The following NEMF variants were observed in gnomAD, a reference collection of about 807,000 sequenced individuals.
NEMF encodes ribosome quality control complex subunit NEMF.
A neutral mutation model predicts 162.2 loss-of-function variants in NEMF; 89 were observed. That is an observed-to-expected ratio of 0.55 (90% confidence interval 0.46 to 0.65). NEMF has a LOEUF of 0.65. Among genes scored for constraint, NEMF ranks in the 30% least tolerant of loss-of-function variants. NEMF has a pLI of 0.00. For synonymous variants in NEMF, 421 were observed against 404.5 expected, an observed-to-expected ratio of 1.04 and a Z score of -0.49; for missense variants, 1,133 against 1,261.9, an observed-to-expected ratio of 0.90 and a Z score of 1.55.
At chr14:49,793,757 A>G (rs987067126) in intron 26 of NEMF, among the ~76,000 whole-genome samples, 2 of 152,148 alleles carry the variant, frequency 1.3e-5, no homozygotes, top group Non-Finnish European at 2.9e-5. Context: ...ATAAATTCCT[A>G]TAAGAGGAAT....
intron 23 of NEMF, 37 bp downstream of exon 23, chr14:49,800,383 T>C: frequency 6.9e-7 from 1 of 1,458,776 alleles, no homozygotes; most frequent in Non-Finnish European, 9.3e-7. Flanking sequence ...CATTCTCAGC[T>C]TACACAATAA....
At chr14:49,804,483 C>T (rs1891095663) in intron 19 of NEMF, among the ~76,000 whole-genome samples, 1 of 151,558 alleles carries the variant, frequency 6.6e-6, no homozygotes, top group African/African-American at 2.4e-5. Flanking sequence ...CAAGACCAGC[C>T]TGGCTAAGAT....
chr14:49,846,750 C>T (rs1277098850), intron 3 of NEMF, among the ~76,000 whole-genome samples: 1 of 152,210 alleles, frequency 6.6e-6, no homozygotes, highest in African/African-American at 2.4e-5. Flanking sequence ...CAAGCGTAAG[C>T]TACTGAGCCA....
rs1166662961 is a variant in NEMF at position 49,838,327 on chromosome 14, C to A, written c.507-121G>T. 6 of 740,982 alleles carry A rather than the reference C, an allele frequency of 8.1e-6. No individual in the cohort carries two copies. In the African/African-American group the frequency reaches 8.6e-5, roughly 11 times the overall value. The allele number at this position is 740,982 out of a possible 1,614,324, so 45.9% of individuals were successfully genotyped here. On this transcript the variant is annotated intron_variant, in intron 5 of 32. Coordinates refer to ENST00000298310, the MANE Select transcript of NEMF (RefSeq NM_004713.6). ...ATCTTTACAATAATCTGAAACGTAACAGGAATTCATTCTTCTGTTGTGAGA... is the reference window on the plus strand; with the variant it reads ...ATCTTTACAATAATCTGAAACGTAAAAGGAATTCATTCTTCTGTTGTGAGA...
chr14:49,851,175 G>A (rs1455187304), intron 3 of NEMF, among the ~76,000 whole-genome samples: 1 of 152,222 alleles, frequency 6.6e-6, no homozygotes, highest in Non-Finnish European at 1.5e-5. Flanking sequence ...CTGCACTCCA[G>A]CCTGGGTGAC....
At chr14:49,838,098 T>G (rs1374230204) in intron 6 of NEMF, 41 bp downstream of exon 6, 5 of 1,475,764 alleles carry the variant, frequency 3.4e-6, no homozygotes, top group Non-Finnish European at 4.7e-6. Flanking sequence ...AAAACCACAC[T>G]GCCTTGCAAA....
At chr14:49,815,906 G>C (rs546040380) in intron 16 of NEMF, among the ~76,000 whole-genome samples, 2 of 152,270 alleles carry the variant, frequency 1.3e-5, no homozygotes, top group Non-Finnish European at 2.9e-5. Flanking sequence ...GGAGCTTGCA[G>C]TGAGCTGAGA....
chr14:49,786,574 T>C (rs1301727141), intron 29 of NEMF, 144 bp downstream of exon 29: 1 of 685,898 alleles, frequency 1.5e-6, no homozygotes, highest in African/African-American at 1.8e-5. Flanking sequence ...TATAGCAGAG[T>C]TGGGATTAAG....
chr14:49,829,060 A>C lies in NEMF; in HGVS notation c.1226T>G (p.Leu409Arg). 6.2e-7 allele frequency: 1 copy of C among 1,613,630 alleles called. No homozygotes were observed. The highest frequency in any genetic ancestry group is 1.6e-4 in the Middle Eastern group (1 of 6,062). ...LKLQTNHVTMLLRNPYLLSEE... is the reference protein window; with the variant it reads ...LKLQTNHVTMRLRNPYLLSEE... ...GACTAAGAGTCAAACTTACCTTAGC[A>C]GCATTGTAACATGGTTTGTTTGTAG... The change falls in exon 13 of 33, where the codon CTG becomes CGG. Residue 409 changes from leucine to arginine, a missense_variant. This residue lies in a region of NEMF where 582 missense variants were observed against 631.5 expected (regional missense o/e 0.92). Coordinates refer to ENST00000298310, the MANE Select transcript of NEMF (RefSeq NM_004713.6).
At chr14:49,790,529 C>T (rs1050930008) in intron 26 of NEMF, among the ~76,000 whole-genome samples, 16 of 152,106 alleles carry the variant, frequency 1.1e-4, no homozygotes, top group African/African-American at 2.7e-4. Context: ...AGTGTTACTA[C>T]GGATGGGGGA....
At chr14:49,794,663 A>G (rs1890606033) in intron 26 of NEMF, among the ~76,000 whole-genome samples, 1 of 151,868 alleles carries the variant, frequency 6.6e-6, no homozygotes, top group Non-Finnish European at 1.5e-5. Flanking sequence ...TTAAATTTTA[A>G]AAGGGGTACA....
chr14:49,814,089 T>C (rs1223581198), intron 17 of NEMF, 39 bp from the exon 18 acceptor site: 1 of 1,171,050 alleles, frequency 8.5e-7, no homozygotes, highest in Non-Finnish European at 1.3e-6. Context: ...CTTTAAGTCC[T>C]AATTATTCTT....
chr14:49,843,907 T>C (rs986071730), intron 4 of NEMF, among the ~76,000 whole-genome samples: 1 of 152,158 alleles, frequency 6.6e-6, no homozygotes, highest in Non-Finnish European at 1.5e-5. Flanking sequence ...GAGAACAGTC[T>C]GGCCAATATG....
intron 4 of NEMF, among the ~76,000 whole-genome samples, chr14:49,845,066 G>A (rs1893427088): frequency 8.0e-6 from 1 of 125,464 alleles, no homozygotes; most frequent in Non-Finnish European, 1.7e-5. Context: ...ACCACACCTG[G>A]CCCAGATTAA....
Position 49,806,137 on chromosome 14 carries a change from G to C in NEMF, c.1745-4C>G. The C allele has an allele frequency of 6.3e-7, 1 of 1,598,852 alleles. No individual in the cohort carries two copies. The highest frequency in any genetic ancestry group is 8.5e-7 in the Non-Finnish European group (1 of 1,171,688). On this transcript the variant is annotated splice_region_variant and splice_polypyrimidine_tract_variant and intron_variant, in intron 18 of 32. Coordinates refer to ENST00000298310, the MANE Select transcript of NEMF (RefSeq NM_004713.6). ...GTCCGTGGGGGGATGGGTTCTCCTA[G>C]AATAACAATGCATAATGTTTCAATA...
In NEMF at chr14:49,782,751, G is replaced by A; in HGVS notation, c.*1885C>T. On this transcript the variant is annotated 3_prime_UTR_variant, in exon 33 of 33. Transcript: ENST00000298310. ...AATCTTTGAAGAAAGAAAGAGGGATGTTTTATGTAGTTTTTCAAGTGAATG... is the reference window on the plus strand; with the variant it reads ...AATCTTTGAAGAAAGAAAGAGGGATATTTTATGTAGTTTTTCAAGTGAATG... 1.3e-6 allele frequency: 2 copies of A among 1,505,076 alleles called. No homozygotes were observed. The highest frequency in any genetic ancestry group is 1.8e-6 in the Non-Finnish European group (2 of 1,106,020). The allele number at this position is 1,505,076 out of a possible 1,614,324, so 93.2% of individuals were successfully genotyped here.
intron 3 of NEMF, among the ~76,000 whole-genome samples, chr14:49,846,693 G>C (rs142437217): frequency 0.02 from 3,117 of 152,250 alleles, 94 homozygotes; most frequent in African/African-American, 0.069. Context: ...TCAAACTCCT[G>C]GGCACAAGCA....
chr14:49,845,351 C>T (rs1450183243), intron 4 of NEMF, among the ~76,000 whole-genome samples: 2 of 152,122 alleles, frequency 1.3e-5, no homozygotes, highest in African/African-American at 2.4e-5. Context: ...CCAGGTGATC[C>T]GCCCTCCTCG....
chr14:49,786,997 T>TA lies in NEMF; in HGVS notation c.2896-248dup, dbSNP rs1890208481. 4 of 434,634 alleles carry TA rather than the reference T, an allele frequency of 9.2e-6. No individual in the cohort carries two copies. In the East Asian group the frequency reaches 1.5e-4, roughly 16 times the overall value. The allele number at this position is 434,634 out of a possible 1,614,324, so 26.9% of individuals were successfully genotyped here. A position where few individuals can be genotyped will look rare whatever the true frequency, so the allele number is the denominator to read the frequency against. On this transcript the variant is annotated intron_variant, in intron 28 of 32. Transcript: ENST00000298310. ...AGAGAAGAAGGGTAGTTCTCTGAAG[T>TA]AGAGGAGGTGGGAACTGAAACTTTC...
Sources: allele counts gnomAD v4.1 joint callset (sites outside exome capture counted in the v4.1 genomes callset), GRCh38; gene constraint gnomAD v4.1.1; regional missense constraint gnomAD v4.1.1; transcripts MANE v1.5; gene names NCBI Gene and HGNC (gene_info 2026-07-23, HGNC 2026-07-21).